The following CASR variants were observed in gnomAD, a reference collection of about 807,000 sequenced individuals.
CASR encodes extracellular calcium-sensing receptor.
Under a neutral mutation model 69.1 loss-of-function variants are expected in CASR, and 23 were observed. The observed-to-expected ratio is 0.33, with a 90% CI of 0.24 to 0.47. The LOEUF is 0.47. Ranked by LOEUF, CASR falls within the 20% of genes least tolerant of loss-of-function variation. The probability of loss-of-function intolerance (pLI) is 1.00; values close to 1 mark genes in which losing one functional copy is unlikely to be tolerated. For missense variants in CASR, 924 were observed against 1,356.1 expected (o/e 0.68, Z 5.00); for synonymous variants, 541 against 544.7 (o/e 0.99, Z 0.10).
chr3:122,205,046 T>C (rs944741962), intron 1 of CASR, among the ~76,000 whole-genome samples: 1 of 152,182 alleles, frequency 6.6e-6, no homozygotes, highest in Non-Finnish European at 1.5e-5. Context: ...CTTTGTTGAT[T>C]GTTTCTTTTG....
At chr3:122,202,085 T>C (rs1262931956) in intron 1 of CASR, among the ~76,000 whole-genome samples, 1 of 151,876 alleles carries the variant, frequency 6.6e-6, no homozygotes, top group Non-Finnish European at 1.5e-5. Context: ...AGGTGGAGGT[T>C]GTAGCGAGCC....
intron 1 of CASR, among the ~76,000 whole-genome samples, chr3:122,225,748 A>G (rs1461042490): frequency 6.6e-6 from 1 of 152,216 alleles, no homozygotes; most frequent in Non-Finnish European, 1.5e-5. Context: ...AAAATAAATC[A>G]TTCTACCAAA....
chr3:122,239,519 G>T (rs957016255), intron 1 of CASR, among the ~76,000 whole-genome samples: 5 of 152,278 alleles, frequency 3.3e-5, no homozygotes, highest in Admixed American at 2.6e-4. Flanking sequence ...ACACAAGCCT[G>T]GTTGGCTTCT....
chr3:122,235,294 T>G (rs1427584753), intron 1 of CASR, among the ~76,000 whole-genome samples: 2 of 152,246 alleles, frequency 1.3e-5, no homozygotes, highest in Non-Finnish European at 2.9e-5. Context: ...GTAAATCCCC[T>G]GCATGTGGCT....
At chr3:122,269,972 G>T (rs545661469) in intron 4 of CASR, among the ~76,000 whole-genome samples, 1 of 152,212 alleles carries the variant, frequency 6.6e-6, no homozygotes, top group East Asian at 1.9e-4. Context: ...CTCCCGAGTA[G>T]CTGGGATTAC....
chr3:122,210,689 A>G (rs899156633), intron 1 of CASR, among the ~76,000 whole-genome samples: 1 of 151,798 alleles, frequency 6.6e-6, no homozygotes, highest in Non-Finnish European at 1.5e-5. Context: ...ATTCAATGCT[A>G]TTCCCATTAA....
At chr3:122,220,783 G>T (rs924352876) in intron 1 of CASR, among the ~76,000 whole-genome samples, 9 of 152,150 alleles carry the variant, frequency 5.9e-5, no homozygotes, top group Non-Finnish European at 1.0e-4. Context: ...AAACCAGCCT[G>T]GCCAACATGG....
intron 1 of CASR, among the ~76,000 whole-genome samples, chr3:122,246,098 G>A (rs144914369): frequency 5.9e-5 from 9 of 152,146 alleles, no homozygotes; most frequent in East Asian, 1.9e-4. Flanking sequence ...GTGTCAGAAC[G>A]TTTCAGTGTA....
rs1060502858 is a variant in CASR at position 122,285,012 on chromosome 3, G to A, written c.3058G>A (p.Glu1020Lys). Residue 1020 changes from glutamate (E) to lysine (K), a missense_variant, in exon 7 of 7, where the codon GAA becomes AAA. Physicochemically the swap from Glu to Lys is moderately conservative, Grantham distance 56 (BLOSUM62 1). This residue lies in a region of CASR where 201 missense variants were observed against 228.8 expected (regional missense o/e 0.88). Coordinates refer to ENST00000639785, the MANE Select transcript of CASR (RefSeq NM_000388.4). ...GCCATTACTCCCGCTGCAGTGCGGG[G>A]AAACGGACTTAGATCTGACCGTCCA... ...HEPLLPLQCG[E>K]TDLDLTVQET... The A allele has an allele frequency of 6.2e-7, 1 of 1,614,120 alleles. No individual in the cohort carries two copies. The highest frequency in any genetic ancestry group is 1.3e-5 in the African/African-American group (1 of 74,942).
intron 1 of CASR, among the ~76,000 whole-genome samples, chr3:122,227,583 C>T (rs920045417): frequency 4.6e-5 from 7 of 152,208 alleles, no homozygotes; most frequent in Admixed American, 2.6e-4. Flanking sequence ...GCGAGCTGAG[C>T]GAACAGGCTC....
intron 1 of CASR, among the ~76,000 whole-genome samples, chr3:122,241,466 C>T (rs112566558): frequency 3.9e-5 from 6 of 152,004 alleles, no homozygotes; most frequent in African/African-American, 1.4e-4. Context: ...TACAACCTAC[C>T]AAGAGTGAAC....
At chr3:122,225,773 C>T (rs936194962) in intron 1 of CASR, among the ~76,000 whole-genome samples, 1 of 152,230 alleles carries the variant, frequency 6.6e-6, no homozygotes, top group Non-Finnish European at 1.5e-5. Flanking sequence ...CATATGCACT[C>T]ATATGTTCAT....
At chr3:122,238,088 G>A (rs954347815) in intron 1 of CASR, among the ~76,000 whole-genome samples, 1 of 152,180 alleles carries the variant, frequency 6.6e-6, no homozygotes, top group African/African-American at 2.4e-5. Flanking sequence ...ATCAAAAGAA[G>A]TAAAAATCAG....
intron 5 of CASR, among the ~76,000 whole-genome samples, chr3:122,281,880 ATGTG>A (rs932297836): frequency 3.8e-5 from 3 of 79,092 alleles, no homozygotes; most frequent in Non-Finnish European, 9.7e-5. Flanking sequence ...GTGCATGCAC[ATGTG>A]TGTGTGTGTG....
At chr3:122,267,016 T>C (rs138327010) in intron 4 of CASR, among the ~76,000 whole-genome samples, 6 of 152,230 alleles carry the variant, frequency 3.9e-5, no homozygotes, top group African/African-American at 1.4e-4. Context: ...AATAAATAAA[T>C]AAATAATAAA....
At chr3:122,255,632 A>G (rs2074546741) in intron 2 of CASR, among the ~76,000 whole-genome samples, 1 of 152,180 alleles carries the variant, frequency 6.6e-6, no homozygotes, top group African/African-American at 2.4e-5. Context: ...AATAATATAT[A>G]TTTTTAAATT....
chr3:122,270,105 G>A (rs1452605330), intron 4 of CASR, among the ~76,000 whole-genome samples: 1 of 152,122 alleles, frequency 6.6e-6, no homozygotes, highest in Admixed American at 6.5e-5. Context: ...GCTTCCCAAA[G>A]TGCTGGGATT....
intron 5 of CASR, among the ~76,000 whole-genome samples, chr3:122,279,512 T>C (rs1390408415): frequency 6.6e-6 from 1 of 152,236 alleles, no homozygotes; most frequent in Admixed American, 6.5e-5. Context: ...CATCATCTGC[T>C]AGTAGAGTTA....
intron 4 of CASR, among the ~76,000 whole-genome samples, chr3:122,271,587 T>C (rs1194768514): frequency 6.6e-6 from 1 of 152,262 alleles, no homozygotes; most frequent in African/African-American, 2.4e-5. Flanking sequence ...GCCTTCTTTT[T>C]TGCAACAGCT....
Sources: gnomAD v4.1 joint callset for allele counts (sites outside exome capture counted in the v4.1 genomes callset) on GRCh38, gnomAD v4.1.1 for gene constraint, gnomAD v4.1.1 regional missense constraint, MANE v1.5 for transcripts, NCBI Gene and HGNC (gene_info 2026-07-23, HGNC 2026-07-21) for gene names.